ACP7: variants seen among roughly 807,000 people sequenced by gnomAD.
The protein encoded by ACP7 is acid phosphatase type 7.
ACP7 carries 58 observed loss-of-function variants against 60.6 expected under a neutral mutation model. The ratio of observed to expected loss-of-function variants is 0.96; its 90% CI spans 0.77 to 1.19. The LOEUF (loss-of-function observed/expected upper bound fraction) is 1.19, where lower values mean the gene tolerates loss of function less well. Ranked by LOEUF, ACP7 falls within the 50% of genes most tolerant of loss-of-function variation. The pLI is 0.00. For missense variants in ACP7, 574 were observed against 596.2 expected (o/e 0.96, Z 0.39); for synonymous variants, 237 against 232.6 (o/e 1.02, Z -0.17).
chr19:39,109,113 C>T (rs993836144), intron 12 of ACP7, among the ~76,000 whole-genome samples: 10 of 152,156 alleles, frequency 6.6e-5, no homozygotes, highest in African/African-American at 2.4e-4. Context: ...TGAGCCACCG[C>T]ATGCGGCCCC....
chr19:39,097,309 G>A (rs2073277725), intron 2 of ACP7, among the ~76,000 whole-genome samples: 1 of 151,584 alleles, frequency 6.6e-6, no homozygotes, highest in Admixed American at 6.6e-5. Context: ...AGATTTGGGT[G>A]GGGACACAGA....
Position 39,100,971 on chromosome 19 carries a change from C to T in ACP7, c.830C>T (p.Ala277Val), listed in dbSNP as rs780015480. 8.1e-6 allele frequency: 13 copies of T among 1,613,412 alleles called. No homozygotes were observed. Among genetic ancestry groups the T allele is most frequent in the South Asian group, 1.1e-5 (1 of 91,074 alleles). ...TAGAAAGCCAATAAGAACCGGGCAG[C>T]CCGGCCGTGGATCATCACTATGGGG... Reference protein sequence around the residue: ...DLQKANKNRAARPWIITMGHR... With the variant: ...DLQKANKNRAVRPWIITMGHR... Residue 277 changes from alanine (A) to valine (V), a missense_variant, in exon 8 of 13, where the codon GCC (alanine) becomes GTC (valine). Ala to Val is a moderately conservative substitution (Grantham distance 64, BLOSUM62 0). Coordinates refer to ENST00000331256, the MANE Select transcript of ACP7 (RefSeq NM_001004318.3).
chr19:39,107,255 C>T (rs1223349755), intron 12 of ACP7, among the ~76,000 whole-genome samples, 171 bp downstream of exon 12: 1 of 151,982 alleles, frequency 6.6e-6, no homozygotes, highest in East Asian at 1.9e-4. Flanking sequence ...CAAGACCAGC[C>T]TGGGTACCAT....
intron 3 of ACP7, 70 bp downstream of exon 3, chr19:39,098,728 C>A: frequency 6.7e-7 from 1 of 1,491,112 alleles, no homozygotes; most frequent in Non-Finnish European, 9.0e-7. Context: ...CTAGAAGCTA[C>A]CACTGGCCGG....
chr19:39,088,649 G>T (rs2073170370), intron 2 of ACP7, among the ~76,000 whole-genome samples: 2 of 152,188 alleles, frequency 1.3e-5, no homozygotes, highest in Admixed American at 1.3e-4. Flanking sequence ...CACAGCAGGG[G>T]AAGAGTCTGA....
intron 11 of ACP7, among the ~76,000 whole-genome samples, chr19:39,106,643 C>T (rs936697279): frequency 6.6e-6 from 1 of 152,218 alleles, no homozygotes; most frequent in Non-Finnish European, 1.5e-5. Flanking sequence ...CCTGCCTCAG[C>T]TTCCCAAGTA....
At chr19:39,102,743 C>CTTTG (rs1176692481) in intron 11 of ACP7, among the ~76,000 whole-genome samples, 328 of 82,616 alleles carry the variant, frequency 4.0e-3, no homozygotes, top group African/African-American at 0.014. Context: ...TTCTTTCTTT[C>CTTTG]TTTCTTTCTT....
At position 39,101,009 on chromosome 19, in the gene ACP7, T is replaced by C. The variant is rs761876959; in HGVS notation, c.868T>C (p.Tyr290His). The C allele has an allele frequency of 6.2e-7, 1 of 1,613,956 alleles. No individual in the cohort carries two copies. The highest frequency in any genetic ancestry group is 8.5e-7 in the Non-Finnish European group (1 of 1,180,012). The change falls in exon 8 of 13, where the codon TAC (tyrosine) becomes CAC (histidine). Residue 290 changes from tyrosine (Y) to histidine (H), a missense_variant. Tyr to His is a moderately conservative substitution (Grantham distance 83, BLOSUM62 2). Coordinates refer to ENST00000331256, the MANE Select transcript of ACP7 (RefSeq NM_001004318.3). ...CATCACTATGGGGCACCGGCCCATGTACTGCTCCAACGCAGATCTGGACGA... is the reference window on the plus strand; with the variant it reads ...CATCACTATGGGGCACCGGCCCATGCACTGCTCCAACGCAGATCTGGACGA... ...WIITMGHRPMYCSNADLDDCT... is the reference protein window; with the variant it reads ...WIITMGHRPMHCSNADLDDCT...
At position 39,101,035 on chromosome 19, in the gene ACP7, C is replaced by T; in HGVS notation, c.894C>T (p.Asp298=). ...PMYCSNADLD[D]CTRHESKVRK... ...ACTGCTCCAACGCAGATCTGGACGA[C>T]TGCACACGACATGAAAGCAAGGTGA... The change falls in exon 8 of 13, where the codon GAC becomes GAT. Residue 298 remains aspartate, a synonymous_variant. Coordinates refer to ENST00000331256, the MANE Select transcript of ACP7 (RefSeq NM_001004318.3). The T allele has an allele frequency of 6.2e-7, 1 of 1,614,070 alleles. No homozygotes were observed. Among genetic ancestry groups the T allele is most frequent in the Non-Finnish European group, 8.5e-7 (1 of 1,180,036 alleles).
At chr19:39,087,872 G>A (rs1284161985) in intron 2 of ACP7, among the ~76,000 whole-genome samples, 12 of 151,976 alleles carry the variant, frequency 7.9e-5, no homozygotes, top group Non-Finnish European at 1.5e-5. Flanking sequence ...GACCTCAAGT[G>A]ATCCACCCAC....
chr19:39,094,036 A>G (rs556234352), intron 2 of ACP7, among the ~76,000 whole-genome samples: 24 of 152,302 alleles, frequency 1.6e-4, no homozygotes, highest in African/African-American at 5.8e-4. Context: ...CCCTGAGCAC[A>G]TGCATTTTTG....
chr19:39,110,665 T>A lies in ACP7; in HGVS notation c.*547T>A, dbSNP rs531797203. 2 of 152,656 alleles carry A rather than the reference T, an allele frequency of 1.3e-5. No homozygotes were observed. Among genetic ancestry groups the A allele is most frequent in the African/African-American group, 4.8e-5 (2 of 41,552 alleles). 9.5% of individuals were successfully genotyped at this position (152,656 alleles called of 1,614,324 possible). On this transcript the variant is annotated 3_prime_UTR_variant, in exon 13 of 13. Coordinates refer to ENST00000331256, the MANE Select transcript of ACP7 (RefSeq NM_001004318.3). ...CTGCTATGAAGAGTCCCTTCATGCCTCAGTTTCCCAGCCTGGCACCATCTT... is the reference window on the plus strand; with the variant it reads ...CTGCTATGAAGAGTCCCTTCATGCCACAGTTTCCCAGCCTGGCACCATCTT...
intron 2 of ACP7, among the ~76,000 whole-genome samples, chr19:39,097,416 T>A (rs200117348): frequency 7.7e-6 from 1 of 130,456 alleles, no homozygotes; most frequent in African/African-American, 2.7e-5. Flanking sequence ...AAAAAAAAAT[T>A]AGCTGGGCAT....
chr19:39,111,199 G>C lies in ACP7; in HGVS notation c.*1081G>C, dbSNP rs576655735. 6.6e-6 allele frequency: 1 copy of C among 152,506 alleles called. No homozygotes were observed. Among genetic ancestry groups the C allele is most frequent in the South Asian group, 2.1e-4 (1 of 4,836 alleles). 9.4% of individuals were successfully genotyped at this position (152,506 alleles called of 1,614,324 possible). On this transcript the variant is annotated 3_prime_UTR_variant, in exon 13 of 13. Coordinates refer to ENST00000331256, the MANE Select transcript of ACP7 (RefSeq NM_001004318.3). ...CTCACATCTGTAGTCCCAGCACTTT[G>C]GGAGGCCGAGGCGGGCAGATCACTT...
Position 39,085,279 on chromosome 19 carries a change from C to T in ACP7, c.10C>T (p.Leu4Phe). MHP[L>F]PGYWSCYCLL... ...TCACCACCCCACCACCATGCACCCC[C>T]TTCCTGGCTACTGGTCCTGTTACTG... is the stretch of plus-strand genomic sequence containing the variant. The change falls in exon 2 of 13, where the codon CTT (leucine) becomes TTT (phenylalanine). Residue 4 changes from leucine to phenylalanine, a missense_variant. Leu to Phe is a conservative substitution (Grantham distance 22, BLOSUM62 0). Transcript: ENST00000331256. 1 of 1,613,054 alleles carries T rather than the reference C, an allele frequency of 6.2e-7. No individual in the cohort carries two copies. Among genetic ancestry groups the T allele is most frequent in the Middle Eastern group, 1.7e-4 (1 of 6,054 alleles).
chr19:39,091,588 C>T (rs767793896), intron 2 of ACP7, among the ~76,000 whole-genome samples: 2 of 152,144 alleles, frequency 1.3e-5, no homozygotes, highest in Admixed American at 6.6e-5. Context: ...TGCATGTACA[C>T]GAAGCTGCAT....
chr19:39,095,841 G>A (rs959667803), intron 2 of ACP7, among the ~76,000 whole-genome samples: 1 of 152,236 alleles, frequency 6.6e-6, no homozygotes, highest in Non-Finnish European at 1.5e-5. Flanking sequence ...CTGCGCACCT[G>A]CAGGCTCAAA....
intron 2 of ACP7, 38 bp downstream of exon 2, chr19:39,085,428 G>C: frequency 6.3e-7 from 1 of 1,579,218 alleles, no homozygotes. Context: ...CTCTACCAGA[G>C]AGGCCCAGCG....
At position 39,099,033 on chromosome 19, in the gene ACP7, G is replaced by A. The variant is rs766508010; in HGVS notation, c.396G>A (p.Trp132Ter). The A allele has an allele frequency of 3.1e-6, 5 of 1,613,472 alleles. No individual in the cohort carries two copies. In the South Asian group the frequency reaches 3.3e-5, roughly 11 times the overall value. The change falls in exon 4 of 13, where the codon TGG becomes TGA. Residue 132 changes from tryptophan (W) to a stop codon, truncating the protein, a stop_gained. Transcript: ENST00000331256. LOFTEE classifies it high-confidence loss of function. ...GGGCCCTCAAGAATGGGGCCCACTG[G>A]AGTCCCCGTCTGGCTGTGTTTGGAG... is the stretch of plus-strand genomic sequence containing the variant. ...RFRALKNGAH[W>*]SPRLAVFGDL... is the part of the protein sequence containing the mutation.
Sources: gnomAD v4.1 joint callset for allele counts (sites outside exome capture counted in the v4.1 genomes callset) on GRCh38, gnomAD v4.1.1 for gene constraint, MANE v1.5 for transcripts, NCBI Gene and HGNC (gene_info 2026-07-23, HGNC 2026-07-21) for gene names.